HORMAD2: variants seen among roughly 807,000 people sequenced by gnomAD.
The protein encoded by HORMAD2 is HORMA domain containing 2.
Under a neutral mutation model 38.8 loss-of-function variants are expected in HORMAD2, and 45 were observed. The ratio of observed to expected loss-of-function variants is 1.16; its 90% confidence interval spans 0.91 to 1.49. The LOEUF (loss-of-function observed/expected upper bound fraction) is 1.49, where lower values mean the gene tolerates loss of function less well. Ranked by LOEUF, HORMAD2 falls within the 40% of genes most tolerant of loss-of-function variation. The pLI, the probability that HORMAD2 is intolerant of heterozygous loss-of-function variation, is 0.00. For missense variants in HORMAD2, 338 were observed against 367.0 expected (o/e 0.92, Z 0.65); for synonymous variants, 126 against 122.8 (o/e 1.03, Z -0.17).
At chr22:30,167,137 G>A (rs1925833531) in intron 10 of HORMAD2, among the ~76,000 whole-genome samples, 1 of 152,138 alleles carries the variant, frequency 6.6e-6, no homozygotes, top group African/African-American at 2.4e-5. Flanking sequence ...AGTAGCTGCT[G>A]GCATTCCTGG....
At chr22:30,116,525 A>T (rs1384892954) in intron 7 of HORMAD2, among the ~76,000 whole-genome samples, 1 of 152,140 alleles carries the variant, frequency 6.6e-6, no homozygotes, top group Admixed American at 6.6e-5. Flanking sequence ...GGCCTATGTG[A>T]CTATATTTAG....
intron 10 of HORMAD2, among the ~76,000 whole-genome samples, chr22:30,138,049 C>T (rs1341250422): frequency 6.6e-6 from 1 of 152,172 alleles, no homozygotes; most frequent in Non-Finnish European, 1.5e-5. Flanking sequence ...TCCAATTTCT[C>T]CACATCCTTA....
At chr22:30,104,564 A>C in intron 5 of HORMAD2, 127 bp downstream of exon 5, 2 of 665,918 alleles carry the variant, frequency 3.0e-6, no homozygotes, top group Non-Finnish European at 5.0e-6. Flanking sequence ...TCCATAAACT[A>C]ATTTCTTATC....
At chr22:30,085,102 C>T (rs568622900) in intron 1 of HORMAD2, among the ~76,000 whole-genome samples, 198 of 150,804 alleles carry the variant, frequency 1.3e-3, no homozygotes, top group African/African-American at 4.4e-3. Flanking sequence ...GCCGAGATTG[C>T]GCCACTGCAC....
At chr22:30,179,286 T>C (rs199703738), downstream of HORMAD2, among the ~76,000 whole-genome samples, 39 of 152,320 alleles carry the variant, frequency 2.6e-4, no homozygotes, top group East Asian at 4.6e-3. Flanking sequence ...CAAGGTCTGC[T>C]ACAATGTAGG....
At chr22:30,201,704 C>T in the HORMAD2 span, among the ~76,000 whole-genome samples, 23 of 152,266 alleles carry the variant, frequency 1.5e-4, no homozygotes, top group African/African-American at 5.5e-4. Context: ...GCGTGAGCCA[C>T]CGTGCCCGGC....
chr22:30,103,860 C>T (rs2146093080), intron 4 of HORMAD2, among the ~76,000 whole-genome samples: 1 of 151,546 alleles, frequency 6.6e-6, no homozygotes, highest in South Asian at 2.1e-4. Flanking sequence ...CAGGGTTTCA[C>T]CATCTTGGCC....
At chr22:30,179,251 C>T (rs1361582809), downstream of HORMAD2, among the ~76,000 whole-genome samples, 2 of 152,116 alleles carry the variant, frequency 1.3e-5, no homozygotes, top group Admixed American at 6.5e-5. Context: ...TGAAACTGAA[C>T]ACACTATGCA....
At chr22:30,126,492 CATT>C (rs1337021998) in intron 10 of HORMAD2, among the ~76,000 whole-genome samples, 3 of 152,034 alleles carry the variant, frequency 2.0e-5, no homozygotes, top group African/African-American at 7.2e-5. Flanking sequence ...TTTCAGTTAA[CATT>C]ATGTTGTGAG....
chr22:30,143,182 ATTTAG>A (rs1256237214), intron 10 of HORMAD2, among the ~76,000 whole-genome samples: 6 of 151,830 alleles, frequency 4.0e-5, no homozygotes, highest in African/African-American at 1.2e-4. Context: ...ACTATATAAA[ATTTAG>A]TTTATTTAAG....
At chr22:30,115,006 A>C (rs1262333956) in intron 7 of HORMAD2, among the ~76,000 whole-genome samples, 1 of 152,258 alleles carries the variant, frequency 6.6e-6, no homozygotes, top group Non-Finnish European at 1.5e-5. Context: ...AGATTTACAC[A>C]GCTTAATGCA....
chr22:30,142,788 G>A (rs896947498), intron 10 of HORMAD2, among the ~76,000 whole-genome samples: 1 of 152,084 alleles, frequency 6.6e-6, no homozygotes, highest in African/African-American at 2.4e-5. Context: ...CTTGCACTGA[G>A]TGAATGAAGC....
chr22:30,182,396 G>A, the HORMAD2 span, among the ~76,000 whole-genome samples: 2 of 152,176 alleles, frequency 1.3e-5, no homozygotes, highest in Admixed American at 1.3e-4. Context: ...GTATGTGGAG[G>A]GAGGTCCTTT....
intron 10 of HORMAD2, among the ~76,000 whole-genome samples, chr22:30,152,117 A>T (rs144877611): frequency 2.1e-4 from 31 of 150,486 alleles, no homozygotes; most frequent in African/African-American, 7.1e-4. Context: ...TTCCCCAACT[A>T]CTCTCTTCAA....
At chr22:30,195,974 G>A in the HORMAD2 span, among the ~76,000 whole-genome samples, 2 of 152,196 alleles carry the variant, frequency 1.3e-5, no homozygotes, top group Admixed American at 6.5e-5. Context: ...GTCTTGGGAT[G>A]GGAAAGAAAA....
At chr22:30,157,447 CT>C (rs879659063) in intron 10 of HORMAD2, among the ~76,000 whole-genome samples, 421 of 144,328 alleles carry the variant, frequency 2.9e-3, no homozygotes, top group Non-Finnish European at 3.0e-3. Context: ...ATCCCCCTCC[CT>C]TTTTTTTTTT....
At chr22:30,163,474 C>T (rs1925581129) in intron 10 of HORMAD2, among the ~76,000 whole-genome samples, 1 of 152,042 alleles carries the variant, frequency 6.6e-6, no homozygotes, top group Admixed American at 6.5e-5. Flanking sequence ...GCCCAGGCCA[C>T]AGTGCAGTGG....
At chr22:30,137,245 TCAGA>T (rs1175496722) in intron 10 of HORMAD2, 2 of 573,446 alleles carry the variant, frequency 3.5e-6, no homozygotes, top group Non-Finnish European at 6.6e-6. Flanking sequence ...ATTCTGCACA[TCAGA>T]CAAACTCACT....
chr22:30,107,836 A>G (rs1271141061), intron 5 of HORMAD2, among the ~76,000 whole-genome samples: 1 of 152,052 alleles, frequency 6.6e-6, no homozygotes, highest in African/African-American at 2.4e-5. Flanking sequence ...TTCCCCTGTA[A>G]GAGCATGATT....
Sources: allele counts gnomAD v4.1 joint callset (sites outside exome capture counted in the v4.1 genomes callset), GRCh38; gene constraint gnomAD v4.1.1; transcripts MANE v1.5; gene names NCBI Gene and HGNC (gene_info 2026-07-23, HGNC 2026-07-21).